The following CFAP99 variants were observed in gnomAD, a reference collection of about 807,000 sequenced individuals.
CFAP99 encodes the protein cilia- and flagella-associated protein 99.
In CFAP99, 84 loss-of-function variants were observed where a neutral mutation model predicts 82.7. That is an observed-to-expected ratio of 1.02 (90% CI 0.85 to 1.22). The LOEUF is 1.22. CFAP99 is among the 50% of genes most tolerant of loss of function. The pLI, the probability that CFAP99 is intolerant of heterozygous loss-of-function variation, is 0.00. For synonymous variants in CFAP99, 456 were observed against 429.5 expected (o/e 1.06, Z -0.76); for missense variants, 1,059 against 983.5 (o/e 1.08, Z -1.03).
At chr4:2,434,987 G>A (rs1348319564) in intron 2 of CFAP99, among the ~76,000 whole-genome samples, 1 of 152,174 alleles carries the variant, frequency 6.6e-6, no homozygotes, top group Non-Finnish European at 1.5e-5. Flanking sequence ...TGGTTACCCT[G>A]TTATCTTAGT....
intron 13 of CFAP99, 34 bp downstream of exon 13, chr4:2,459,292 A>C (rs1734520332): frequency 6.7e-7 from 1 of 1,493,996 alleles, no homozygotes; most frequent in African/African-American, 1.4e-5. Flanking sequence ...CCCATGCCTC[A>C]GGGGCCTCCA....
chr4:2,444,512 T>C lies in CFAP99; in HGVS notation c.465-619T>C, dbSNP rs537839419. ...CCCCCTGGGAGCCCACACAAGAGGA[T>C]ACTTGATAGGCTGATGATGGTGGGC... On this transcript the variant is annotated intron_variant, in intron 5 of 14. Transcript: ENST00000635017. 2.0e-5 allele frequency among the ~76,000 whole-genome samples: 3 copies of C among 152,262 alleles called. No homozygotes were observed. In the South Asian group the frequency reaches 6.2e-4, roughly 32 times the overall value.
intron 4 of CFAP99, among the ~76,000 whole-genome samples, chr4:2,440,953 G>A (rs1018478909): frequency 3.3e-5 from 5 of 151,896 alleles, no homozygotes; most frequent in African/African-American, 9.7e-5. Context: ...AGCCACTCAC[G>A]AAGTTGAAGC....
At position 2,462,616 on chromosome 4, in the gene CFAP99, A is replaced by G; in HGVS notation, c.1835A>G (p.Asp612Gly). The change falls in exon 15 of 15, where the codon GAT (aspartate) becomes GGT (glycine). Residue 612 changes from aspartate (D) to glycine (G), a missense_variant. Coordinates refer to ENST00000635017, the Ensembl canonical transcript of CFAP99. The surrounding 1 kb of genome is among the most constrained non-coding windows in gnomAD (Gnocchi z 4.1). ...CGCCCCAAGCCCCGGGTGAGTCCGG[A>G]TTGGTGGGAGGAGCCCGGGCGACTG... The G allele has an allele frequency of 7.3e-7, 1 of 1,371,670 alleles. No individual in the cohort carries two copies. Among genetic ancestry groups the G allele is most frequent in the Non-Finnish European group, 9.4e-7 (1 of 1,064,476 alleles). 85.0% of individuals were successfully genotyped at this position (1,371,670 alleles called of 1,614,324 possible). A position where few individuals can be genotyped will look rare whatever the true frequency, so the allele number is the denominator to read the frequency against.
chr4:2,420,103 C>T (rs1047204047), intron 1 of CFAP99, among the ~76,000 whole-genome samples: 1 of 151,752 alleles, frequency 6.6e-6, no homozygotes, highest in African/African-American at 2.4e-5. Context: ...ATCCCACTGT[C>T]CACTTCTCCT....
Position 2,446,031 on chromosome 4 carries a change from T to C in CFAP99, c.642+723T>C, listed in dbSNP as rs1251701679. Among the ~76,000 whole-genome samples the C allele has an allele frequency of 1.3e-5, 2 of 152,252 alleles. No homozygotes were observed. Among genetic ancestry groups the C allele is most frequent in the Non-Finnish European group, 2.9e-5 (2 of 68,046 alleles). ...TCTATCCCAAGCACCAGCAATGGAC[T>C]GAGCTTCCCAGAACCAACGTGGTTC... On this transcript the variant is annotated intron_variant, in intron 6 of 14. Transcript: ENST00000635017. The surrounding 1 kb of genome is among the most constrained non-coding windows in gnomAD (Gnocchi z 5.0).
intron 1 of CFAP99, among the ~76,000 whole-genome samples, chr4:2,422,601 G>T (rs1228609478): frequency 3.9e-5 from 6 of 152,076 alleles, no homozygotes; most frequent in Admixed American, 3.9e-4. Flanking sequence ...CACACATGCA[G>T]ACCATCCACT....
intron 11 of CFAP99, among the ~76,000 whole-genome samples, chr4:2,452,992 GGT>G (rs1213411905): frequency 6.6e-6 from 1 of 152,180 alleles, no homozygotes; most frequent in Non-Finnish European, 1.5e-5. Flanking sequence ...GAGCCTGGAA[GGT>G]CAAGGTTGCA....
chr4:2,458,369 C>T (rs561308663), intron 11 of CFAP99, among the ~76,000 whole-genome samples: 12 of 152,176 alleles, frequency 7.9e-5, no homozygotes, highest in African/African-American at 9.7e-5. Flanking sequence ...CCCCCTACCC[C>T]GGGCCCCCTA....
In CFAP99 at chr4:2,462,008, G is replaced by A. The variant is rs1734631948; in HGVS notation, c.1662-435G>A. 1.3e-5 allele frequency among the ~76,000 whole-genome samples: 2 copies of A among 151,260 alleles called. No individual in the cohort carries two copies. Among genetic ancestry groups the A allele is most frequent in the South Asian group, 2.1e-4 (1 of 4,790 alleles). ...AAATGTTAAGTTTAAAAAAAAAAAA[G>A]CTGCTAGGCGCCGTGGCTCACGCCT... On this transcript the variant is annotated intron_variant, in intron 14 of 14. Coordinates refer to ENST00000635017, the Ensembl canonical transcript of CFAP99. This position sits in a 1 kb window ranked among gnomAD's most constrained non-coding sequence, Gnocchi z 4.1.
In CFAP99 at chr4:2,437,672, C is replaced by T. The variant is rs566707870; in HGVS notation, c.257-398C>T. ...AGCTGGAGCCTTATGATGCGCAGCG[C>T]GTCCAGGCCACAGGCTAGGGGCCCG... is the stretch of plus-strand genomic sequence containing the variant. On this transcript the variant is annotated intron_variant, in intron 3 of 14. Transcript: ENST00000635017. Among the ~76,000 whole-genome samples the T allele has an allele frequency of 9.2e-5, 14 of 152,326 alleles. No individual in the cohort carries two copies. In the South Asian group the frequency reaches 1.0e-3, roughly 11 times the overall value.
chr4:2,421,608 C>T (rs61097424), intron 1 of CFAP99, among the ~76,000 whole-genome samples: 6,739 of 152,146 alleles, frequency 0.044, 518 homozygotes, highest in African/African-American at 0.15. Context: ...CTTGGCTTCC[C>T]AAAGTGCTGG....
chr4:2,449,240 C>G (rs1215384109), intron 6 of CFAP99, among the ~76,000 whole-genome samples: 2 of 152,072 alleles, frequency 1.3e-5, no homozygotes, highest in East Asian at 3.9e-4. Context: ...AGTGTCCCCT[C>G]CCGACAGCTT....
intron 11 of CFAP99, among the ~76,000 whole-genome samples, chr4:2,454,581 C>CTTTTTTT (rs200727697): frequency 1.1e-5 from 1 of 94,712 alleles, no homozygotes; most frequent in African/African-American, 4.2e-5. Flanking sequence ...TGTTTTTTTT[C>CTTTTTTT]TTTTTTTTTT....
rs79360712 is a variant in CFAP99 at position 2,433,309 on chromosome 4, G to A, written c.112-3565G>A. Among the ~76,000 whole-genome samples the A allele has an allele frequency of 3.5e-3, 533 of 152,250 alleles. 2 individuals are homozygous for A. The highest frequency in any genetic ancestry group is 0.012 in the African/African-American group (511 of 41,540). On this transcript the variant is annotated intron_variant, in intron 2 of 14. Coordinates refer to ENST00000635017, the Ensembl canonical transcript of CFAP99. ...GCCTGAGCCGGGGAGGCCAGAGGAG[G>A]TTGTCAGCATAGTCCCGCAAAGTCA...
At chr4:2,422,911 A>G (rs1733612576) in intron 1 of CFAP99, among the ~76,000 whole-genome samples, 1 of 152,108 alleles carries the variant, frequency 6.6e-6, no homozygotes, top group Non-Finnish European at 1.5e-5. Flanking sequence ...GGCTCAAGGG[A>G]TCCTCCCACC....
rs959670183 is a variant in CFAP99, at chr4:2,462,728, C to T, written c.1947C>T (p.Ser649=). 1 of 1,241,334 alleles carries T rather than the reference C, an allele frequency of 8.1e-7. No homozygotes were observed. The highest frequency in any genetic ancestry group is 1.0e-6 in the Non-Finnish European group (1 of 989,544). 76.9% of individuals were successfully genotyped at this position (1,241,334 alleles called of 1,614,324 possible). A position where few individuals can be genotyped will look rare whatever the true frequency, so the allele number is the denominator to read the frequency against. The change falls in exon 15 of 15, where the codon TCC becomes TCT. Residue 649 remains serine (S), a synonymous_variant. Transcript: ENST00000635017. This position sits in a 1 kb window ranked among gnomAD's most constrained non-coding sequence, Gnocchi z 4.1. ...GATGGCGGGGAGATCGGGTCCGGTC[C>T]GCGGCCGGGAGATACGCAGCGGCGG...
chr4:2,435,772 A>C (rs1733893764), intron 2 of CFAP99, among the ~76,000 whole-genome samples: 1 of 152,060 alleles, frequency 6.6e-6, no homozygotes, highest in Non-Finnish European at 1.5e-5. Flanking sequence ...AAAAATTAAA[A>C]AATGAGCCAG....
intron 2 of CFAP99, among the ~76,000 whole-genome samples, chr4:2,429,581 TTTTC>T (rs1226304664): frequency 1.5e-5 from 2 of 130,064 alleles, no homozygotes; most frequent in Non-Finnish European, 3.2e-5. Context: ...TTTTCAGATC[TTTTC>T]TTTCTTTCTT....
Sources: gnomAD v4.1 joint callset for allele counts (sites outside exome capture counted in the v4.1 genomes callset) on GRCh38, gnomAD v4.1.1 for gene constraint, Gnocchi (gnomAD v3.1) non-coding constraint, MANE v1.5 for transcripts, NCBI Gene and HGNC (gene_info 2026-07-23, HGNC 2026-07-21) for gene names.